PAPSS2: variants seen among roughly 807,000 people sequenced by gnomAD.
PAPSS2 encodes the protein 3'-phosphoadenosine 5'-phosphosulfate synthase 2, also known as bifunctional 3'-phosphoadenosine 5'-phosphosulfate synthase 2.
In PAPSS2, 61 loss-of-function variants were observed where a neutral mutation model predicts 66.5. That is an observed-to-expected ratio of 0.92 (90% CI 0.75 to 1.14). The LOEUF is 1.14. Ranked by LOEUF, PAPSS2 falls within the 50% of genes most tolerant of loss-of-function variation. PAPSS2 has a pLI of 0.00. For synonymous variants in PAPSS2, 289 were observed against 287.5 expected, an observed-to-expected ratio of 1.01 and a Z score of -0.05; for missense variants, 708 against 789.6, an observed-to-expected ratio of 0.90 and a Z score of 1.24.
At position 87,746,623 on chromosome 10, in the gene PAPSS2, G is replaced by T. The variant is rs1459860026; in HGVS notation, c.*653G>T. On this transcript the variant is annotated 3_prime_UTR_variant, in exon 13 of 13. Coordinates refer to ENST00000456849, the MANE Select transcript of PAPSS2 (RefSeq NM_001015880.2). The stretch of plus-strand genomic sequence containing the variant: ...ACAAAAGTTATATTGTCTAATAAGA[G>T]AAGTCTTAATGGCCTCTGTGAATAA... 1 of 152,216 alleles carries T rather than the reference G, an allele frequency of 6.6e-6. No homozygotes were observed. The highest frequency in any genetic ancestry group is 2.4e-5 in the African/African-American group (1 of 41,440). The allele number at this position is 152,216 out of a possible 1,614,324, so 9.4% of individuals were successfully genotyped here. A position where few individuals can be genotyped will look rare whatever the true frequency, so the allele number is the denominator to read the frequency against.
intron 1 of PAPSS2, among the ~76,000 whole-genome samples, chr10:87,663,820 GC>G (rs1264360784): frequency 3.3e-5 from 5 of 152,176 alleles, no homozygotes; most frequent in African/African-American, 1.2e-4. Flanking sequence ...ATATGCAGTA[GC>G]TATTTCATTT....
chr10:87,715,103 G>A lies in PAPSS2; in HGVS notation c.753+5G>A. The A allele has an allele frequency of 2.0e-6, 3 of 1,476,304 alleles. No homozygotes were observed. Among genetic ancestry groups the A allele is most frequent in the African/African-American group, 1.4e-5 (1 of 72,420 alleles). 91.5% of individuals were successfully genotyped at this position (1,476,304 alleles called of 1,614,324 possible). A position where few individuals can be genotyped will look rare whatever the true frequency, so the allele number is the denominator to read the frequency against. On this transcript the variant is annotated splice_donor_5th_base_variant and intron_variant, in intron 6 of 12. Transcript: ENST00000456849. ...CCTTCATTATCAATTACTAAGGTAA[G>A]TGGGTGCAGACTGGTCAAATAATTA...
chr10:87,716,229 C>T (rs1336777480), intron 7 of PAPSS2, among the ~76,000 whole-genome samples: 1 of 152,144 alleles, frequency 6.6e-6, no homozygotes, highest in Non-Finnish European at 1.5e-5. Context: ...CTCCATGGCA[C>T]CCTCCACCCT....
chr10:87,716,586 T>C (rs1853535529), intron 7 of PAPSS2, among the ~76,000 whole-genome samples: 1 of 152,196 alleles, frequency 6.6e-6, no homozygotes, highest in Admixed American at 6.5e-5. Context: ...GAATTTGTAA[T>C]GCTGAGCAGG....
In PAPSS2 at chr10:87,678,486, A is replaced by G. The variant is rs1564710006; in HGVS notation, c.27+18478A>G. The stretch of plus-strand genomic sequence containing the variant: ...AAAAAGCTTCTGCACAACAAAGGAA[A>G]CAATCAACAGCATGAAGAGGCAACC... On this transcript the variant is annotated intron_variant, in intron 1 of 12. Transcript: ENST00000456849. Among the ~76,000 whole-genome samples, 8 of 152,220 alleles carry G rather than the reference A, an allele frequency of 5.3e-5. No homozygotes were observed. The South Asian group carries it at 1.7e-3, about 31-fold the overall frequency.
intron 1 of PAPSS2, among the ~76,000 whole-genome samples, chr10:87,679,307 A>C (rs1022440072): frequency 2.0e-5 from 3 of 152,214 alleles, no homozygotes; most frequent in African/African-American, 7.2e-5. Context: ...ATGAACAAAG[A>C]TAGGTTAACA....
intron 1 of PAPSS2, among the ~76,000 whole-genome samples, chr10:87,698,201 A>G (rs1282763438): frequency 6.6e-6 from 1 of 152,212 alleles, no homozygotes; most frequent in East Asian, 1.9e-4. Context: ...AGTGGCTTCG[A>G]AAAGTCAAAT....
At chr10:87,707,251 C>T (rs986754913) in intron 1 of PAPSS2, among the ~76,000 whole-genome samples, 8 of 152,200 alleles carry the variant, frequency 5.3e-5, no homozygotes, top group Non-Finnish European at 1.2e-4. Context: ...TGATATTCAT[C>T]CCTAAAGAAA....
chr10:87,692,580 G>A (rs1180043677), intron 1 of PAPSS2, among the ~76,000 whole-genome samples: 1 of 152,174 alleles, frequency 6.6e-6, no homozygotes, highest in Non-Finnish European at 1.5e-5. Flanking sequence ...GGGAAGAAAT[G>A]GAAGAGAGAT....
At chr10:87,660,888 C>CT (rs1329968336) in intron 1 of PAPSS2, 2 of 435,500 alleles carry the variant, frequency 4.6e-6, no homozygotes, top group Non-Finnish European at 9.2e-6. Flanking sequence ...CTAGACAGCA[C>CT]TGGGGCCACG....
rs1482580524 is a variant in PAPSS2 at position 87,715,793 on chromosome 10, T to C, written c.815T>C (p.Met272Thr). The change falls in exon 7 of 13, where the codon ATG becomes ACG. Residue 272 changes from methionine (M) to threonine (T), a missense_variant. Transcript: ENST00000456849. Reference sequence around the variant, plus strand: ...TGGGCCACTCCCCTCAAAGGTTTCATGCGGGAGAAGGAGTACTTACAGGTT... The same window carrying C: ...TGGGCCACTCCCCTCAAAGGTTTCACGCGGGAGAAGGAGTACTTACAGGTT... ...EGWATPLKGF[M>T]REKEYLQVMH... 2.5e-6 allele frequency: 4 copies of C among 1,613,678 alleles called. No homozygotes were observed. The highest frequency in any genetic ancestry group is 2.7e-5 in the African/African-American group (2 of 74,914).
At chr10:87,693,339 G>A (rs758641434) in intron 1 of PAPSS2, among the ~76,000 whole-genome samples, 33 of 152,168 alleles carry the variant, frequency 2.2e-4, no homozygotes, top group Non-Finnish European at 4.1e-4. Flanking sequence ...TCCAGTGCAT[G>A]GTGTTTAGAC....
chr10:87,699,716 G>T (rs994938365), intron 1 of PAPSS2, among the ~76,000 whole-genome samples: 1 of 151,822 alleles, frequency 6.6e-6, no homozygotes, highest in Admixed American at 6.6e-5. Context: ...TGGGCGTGGT[G>T]GTGTGCGCCT....
intron 9 of PAPSS2, among the ~76,000 whole-genome samples, chr10:87,735,028 G>A (rs1853780026): frequency 6.6e-6 from 1 of 151,982 alleles, no homozygotes; most frequent in South Asian, 2.1e-4. Context: ...GCATTCTTGT[G>A]TGTAATTTTG....
rs17125223 is a variant in PAPSS2, at chr10:87,714,836, C to T, written c.612C>T (p.His204=). The change falls in exon 5 of 13, where the codon CAC becomes CAT. Residue 204 remains histidine, a synonymous_variant. Transcript: ENST00000456849. ...TNLSTVSDCV[H]QVVELLQEQN... is the part of the protein sequence containing the mutation. ...TGTCCACAGTGAGTGACTGTGTCCA[C>T]CAGGTAGTGGAACTTCTGCAAGAGC... 1.8e-4 allele frequency: 287 copies of T among 1,610,088 alleles called. 3 individuals carry two copies. The South Asian group carries it at 3.0e-3, about 17-fold the overall frequency.
chr10:87,718,446 C>T (rs1184668045), intron 7 of PAPSS2, among the ~76,000 whole-genome samples: 1 of 152,210 alleles, frequency 6.6e-6, no homozygotes, highest in Non-Finnish European at 1.5e-5. Context: ...AACCCACCAG[C>T]CTGGGGATAT....
At chr10:87,674,655 A>G (rs1852923190) in intron 1 of PAPSS2, among the ~76,000 whole-genome samples, 1 of 152,174 alleles carries the variant, frequency 6.6e-6, no homozygotes, top group African/African-American at 2.4e-5. Flanking sequence ...TAGAAAATTA[A>G]GATCTATAAA....
chr10:87,743,253 A>T (rs1853892530), intron 10 of PAPSS2, 120 bp from the exon 11 acceptor site: 1 of 1,132,764 alleles, frequency 8.8e-7, no homozygotes, highest in Non-Finnish European at 1.3e-6. Context: ...AAAAAAAAAA[A>T]AAAAAGCCAG....
intron 1 of PAPSS2, among the ~76,000 whole-genome samples, chr10:87,681,899 C>T (rs560847704): frequency 7.2e-5 from 11 of 152,162 alleles, no homozygotes; most frequent in Middle Eastern, 3.4e-3. Context: ...TGGCTGAATA[C>T]GATTCCATTG....
Sources: allele counts gnomAD v4.1 joint callset (sites outside exome capture counted in the v4.1 genomes callset), GRCh38; gene constraint gnomAD v4.1.1; transcripts MANE v1.5; gene names NCBI Gene and HGNC (gene_info 2026-07-23, HGNC 2026-07-21).